Variants in MCU observed in about 807,000 individuals in gnomAD.
MCU encodes mitochondrial calcium uniporter, also known as calcium uniporter protein, mitochondrial.
Under a neutral mutation model 45.2 loss-of-function variants are expected in MCU, and 12 were observed. That is an observed-to-expected ratio of 0.27 (90% CI 0.17 to 0.43). The LOEUF is 0.43. MCU is among the 20% of genes least tolerant of loss of function. The probability of loss-of-function intolerance (pLI) is 1.00; values close to 1 mark genes in which losing one functional copy is unlikely to be tolerated. For missense variants in MCU, 324 were observed against 436.7 expected (o/e 0.74, Z 2.30); for synonymous variants, 160 against 165.1 (o/e 0.97, Z 0.24).
At chr10:72,755,370 A>G (rs1843560282) in intron 1 of MCU, among the ~76,000 whole-genome samples, 1 of 152,002 alleles carries the variant, frequency 6.6e-6, no homozygotes, top group African/African-American at 2.4e-5. Flanking sequence ...ATGGTCTTGA[A>G]GTCCTGACCT....
chr10:72,862,452 A>G (rs1165244900), intron 4 of MCU, among the ~76,000 whole-genome samples: 2 of 152,122 alleles, frequency 1.3e-5, no homozygotes, highest in East Asian at 3.9e-4. Flanking sequence ...TTCCACTGAC[A>G]GTGGGGGCGG....
chr10:72,699,165 A>G (rs985804768), intron 1 of MCU, among the ~76,000 whole-genome samples: 3 of 152,062 alleles, frequency 2.0e-5, no homozygotes, highest in African/African-American at 7.2e-5. Context: ...CTAGGATAAC[A>G]TGTTAGGAAA....
intron 1 of MCU, among the ~76,000 whole-genome samples, chr10:72,724,289 T>C (rs1843067144): frequency 6.6e-6 from 1 of 152,198 alleles, no homozygotes; most frequent in South Asian, 2.1e-4. Flanking sequence ...ACTTTCTGAC[T>C]GGTGAAAAAA....
intron 1 of MCU, chr10:72,708,149 C>CT (rs1442849539): frequency 6.6e-6 from 1 of 152,236 alleles, no homozygotes; most frequent in Non-Finnish European, 1.5e-5. Context: ...TCAAGTTCCT[C>CT]TTTAAGACAG....
chr10:72,776,257 C>T (rs965078890), intron 1 of MCU, among the ~76,000 whole-genome samples: 1 of 151,880 alleles, frequency 6.6e-6, no homozygotes, highest in South Asian at 2.1e-4. Context: ...CAGATAAGGA[C>T]CCAAGAAAAG....
chr10:72,857,914 A>AGATGTTT (rs1845317330), intron 2 of MCU, among the ~76,000 whole-genome samples: 3 of 152,216 alleles, frequency 2.0e-5, no homozygotes, highest in Admixed American at 1.3e-4. Context: ...TAAAATCTTA[A>AGATGTTT]ACATCTGAGT....
intron 1 of MCU, among the ~76,000 whole-genome samples, chr10:72,777,167 A>G (rs113105127): frequency 0.053 from 8,029 of 152,272 alleles, 709 homozygotes; most frequent in African/African-American, 0.18. Context: ...CTATCAAAAT[A>G]CCAATGATAT....
chr10:72,731,574 A>C (rs1173491407), intron 1 of MCU, among the ~76,000 whole-genome samples: 1 of 151,838 alleles, frequency 6.6e-6, no homozygotes, highest in African/African-American at 2.4e-5. Context: ...TGTTTCCATC[A>C]CTGCAGGAAA....
rs116794257 is a variant in MCU, at chr10:72,848,642, A to G, written c.221-10535A>G. Among the ~76,000 whole-genome samples the G allele has an allele frequency of 2.9e-3, 449 of 152,278 alleles. 4 individuals are homozygous for G. The highest frequency in any genetic ancestry group is 0.01 in the African/African-American group (421 of 41,554). On this transcript the variant is annotated intron_variant, in intron 2 of 7. Transcript: ENST00000373053. ...TGGAGGAGACATTCAAACCATAGCA[A>G]ATACTTACAGGCAAGAATTATAGAG...
At chr10:72,735,756 T>G (rs543964324) in intron 1 of MCU, among the ~76,000 whole-genome samples, 1 of 152,292 alleles carries the variant, frequency 6.6e-6, no homozygotes, top group African/African-American at 2.4e-5. Flanking sequence ...GCAGGGACAT[T>G]GTAGACTATT....
At chr10:72,730,221 A>C (rs1346412043) in intron 1 of MCU, among the ~76,000 whole-genome samples, 1 of 151,850 alleles carries the variant, frequency 6.6e-6, no homozygotes, top group Non-Finnish European at 1.5e-5. Context: ...TTAACCTCCC[A>C]AAGTGCTGGG....
chr10:72,805,037 T>C (rs544103480), intron 1 of MCU, among the ~76,000 whole-genome samples: 1 of 152,258 alleles, frequency 6.6e-6, no homozygotes, highest in African/African-American at 2.4e-5. Context: ...CCCAAAGTTG[T>C]GGAATTACAG....
intron 2 of MCU, among the ~76,000 whole-genome samples, chr10:72,849,096 T>A (rs945853594): frequency 6.6e-6 from 1 of 151,778 alleles, no homozygotes; most frequent in Non-Finnish European, 1.5e-5. Context: ...CTGGCCAACA[T>A]AGTGAAACCA....
chr10:72,847,394 A>G (rs977010008), intron 2 of MCU, among the ~76,000 whole-genome samples: 2 of 152,172 alleles, frequency 1.3e-5, no homozygotes, highest in East Asian at 1.9e-4. Flanking sequence ...GGAGAACTTC[A>G]TTTCTCATAA....
At chr10:72,866,568 T>A (rs1845460325) in intron 4 of MCU, among the ~76,000 whole-genome samples, 1 of 152,160 alleles carries the variant, frequency 6.6e-6, no homozygotes, top group Non-Finnish European at 1.5e-5. Flanking sequence ...AGCTAATTTT[T>A]GTATTTTTAG....
At chr10:72,717,083 A>G (rs957150789) in intron 1 of MCU, among the ~76,000 whole-genome samples, 4 of 148,882 alleles carry the variant, frequency 2.7e-5, no homozygotes, top group East Asian at 3.9e-4. Flanking sequence ...TGTTTTCCCT[A>G]CTATTTGAAA....
At chr10:72,700,585 G>A (rs1461627584) in intron 1 of MCU, among the ~76,000 whole-genome samples, 4 of 152,038 alleles carry the variant, frequency 2.6e-5, no homozygotes, top group Non-Finnish European at 4.4e-5. Flanking sequence ...GTGAATTATT[G>A]GTCCAAAAAC....
intron 2 of MCU, among the ~76,000 whole-genome samples, chr10:72,835,700 G>A (rs1268713663): frequency 2.0e-5 from 3 of 152,056 alleles, no homozygotes; most frequent in African/African-American, 2.4e-5. Context: ...GTTAAAAAGG[G>A]GAAAATAGAC....
intron 1 of MCU, among the ~76,000 whole-genome samples, chr10:72,820,592 C>A (rs1844696478): frequency 6.6e-6 from 1 of 151,870 alleles, no homozygotes; most frequent in Non-Finnish European, 1.5e-5. Context: ...CTCACTGCAA[C>A]CTCCACCTCC....
Sources: gnomAD v4.1 joint callset for allele counts (sites outside exome capture counted in the v4.1 genomes callset) on GRCh38, gnomAD v4.1.1 for gene constraint, MANE v1.5 for transcripts, NCBI Gene and HGNC (gene_info 2026-07-23, HGNC 2026-07-21) for gene names.